The following GPD1L variants were observed in gnomAD, a reference collection of about 807,000 sequenced individuals.
The protein encoded by GPD1L is glycerol-3-phosphate dehydrogenase 1 like, also known as glycerol-3-phosphate dehydrogenase 1-like protein.
GPD1L carries 17 observed loss-of-function variants against 32.9 expected under a neutral mutation model. The ratio of observed to expected loss-of-function variants is 0.52; its 90% CI spans 0.35 to 0.78. The LOEUF (loss-of-function observed/expected upper bound fraction) is 0.78, where lower values mean the gene tolerates loss of function less well. GPD1L is among the 30% of genes least tolerant of loss of function. The pLI is 0.01. For missense variants in GPD1L, 361 were observed against 447.8 expected (o/e 0.81, Z 1.75); for synonymous variants, 187 against 165.9 (o/e 1.13, Z -0.98).
At chr3:32,150,473 C>T (rs956953184) in intron 5 of GPD1L, among the ~76,000 whole-genome samples, 5 of 149,150 alleles carry the variant, frequency 3.4e-5, no homozygotes, top group African/African-American at 7.4e-5. Context: ...TTTAAATAGT[C>T]TAGTGGTCTT....
chr3:32,108,203 C>G (rs187164952), intron 1 of GPD1L, among the ~76,000 whole-genome samples: 2 of 151,926 alleles, frequency 1.3e-5, no homozygotes, highest in Non-Finnish European at 2.9e-5. Context: ...CTGGGCAACA[C>G]GGCAAAACCC....
chr3:32,113,478 C>T (rs1271413662), intron 1 of GPD1L, among the ~76,000 whole-genome samples: 2 of 152,140 alleles, frequency 1.3e-5, no homozygotes, highest in African/African-American at 4.8e-5. Context: ...ACAGTAGTTT[C>T]TGGGATCCTC....
intron 5 of GPD1L, among the ~76,000 whole-genome samples, chr3:32,157,998 G>A (rs1701018379): frequency 6.6e-6 from 1 of 152,156 alleles, no homozygotes; most frequent in Non-Finnish European, 1.5e-5. Context: ...CACACATACA[G>A]GCCTCATGAC....
chr3:32,131,452 A>G (rs1700586804), intron 2 of GPD1L, among the ~76,000 whole-genome samples: 1 of 152,070 alleles, frequency 6.6e-6, no homozygotes, highest in African/African-American at 2.4e-5. Context: ...TCTACTTTCT[A>G]TCTCTATAGA....
chr3:32,166,025 G>C lies in GPD1L; in HGVS notation c.*115G>C, dbSNP rs982454285. ...TTGACTGTAATCTCATCACGGATAT[G>C]TATGAATTTTTACAGGTTCGTTTTT... is the stretch of plus-strand genomic sequence containing the variant. On this transcript the variant is annotated 3_prime_UTR_variant, in exon 8 of 8. Transcript: ENST00000282541. The C allele has an allele frequency of 6.9e-6, 5 of 729,070 alleles. No homozygotes were observed. In the Admixed American group the frequency reaches 7.9e-5, roughly 12 times the overall value. 45.2% of individuals were successfully genotyped at this position (729,070 alleles called of 1,614,324 possible).
At chr3:32,141,125 A>G (rs1700736343) in intron 4 of GPD1L, among the ~76,000 whole-genome samples, 1 of 152,210 alleles carries the variant, frequency 6.6e-6, no homozygotes. Context: ...CCTGCAAGCA[A>G]TATGAATCAT....
chr3:32,111,815 CT>C (rs113395943), intron 1 of GPD1L, among the ~76,000 whole-genome samples: 9,718 of 143,414 alleles, frequency 0.068, 290 homozygotes, highest in Middle Eastern at 0.11. Context: ...GTGACTCTGT[CT>C]TTTTTTTTTT....
At chr3:32,163,950 C>T (rs539341262) in intron 7 of GPD1L, among the ~76,000 whole-genome samples, 5 of 152,304 alleles carry the variant, frequency 3.3e-5, no homozygotes, top group Admixed American at 6.5e-5. Flanking sequence ...TTCCCTTGAA[C>T]CTCAAGATGG....
intron 5 of GPD1L, among the ~76,000 whole-genome samples, chr3:32,149,276 G>T (rs1348639935): frequency 6.6e-6 from 1 of 152,136 alleles, no homozygotes; most frequent in African/African-American, 2.4e-5. Context: ...GTTCAGGCTG[G>T]TCTTGAACTT....
At chr3:32,110,307 T>G (rs568004354) in intron 1 of GPD1L, among the ~76,000 whole-genome samples, 72 of 152,346 alleles carry the variant, frequency 4.7e-4, no homozygotes, top group African/African-American at 1.7e-3. Context: ...CCCCTGAGAA[T>G]GAGATTTTTT....
chr3:32,154,375 C>T (rs1040420398), intron 5 of GPD1L, among the ~76,000 whole-genome samples: 4 of 152,184 alleles, frequency 2.6e-5, no homozygotes, highest in African/African-American at 9.6e-5. Context: ...CTGAGTACAG[C>T]AACATAGAAA....
At chr3:32,157,931 T>G (rs1211889820) in intron 5 of GPD1L, among the ~76,000 whole-genome samples, 1 of 152,172 alleles carries the variant, frequency 6.6e-6, no homozygotes, top group Admixed American at 6.5e-5. Context: ...GAGTGAGTGC[T>G]CCATAAATAC....
chr3:32,106,677 G>T lies in GPD1L; in HGVS notation c.-35G>T. ...AGGCGGAGGTGGGCAGCCGGCCAGG[G>T]AAGCACGGTCCAGGCGGCTACATTC... On this transcript the variant is annotated 5_prime_UTR_variant, in exon 1 of 8. Coordinates refer to ENST00000282541, the MANE Select transcript of GPD1L (RefSeq NM_015141.4). The surrounding 1 kb of genome is among the most constrained non-coding windows in gnomAD (Gnocchi z 4.0). The T allele has an allele frequency of 6.6e-7, 1 of 1,513,774 alleles. No individual in the cohort carries two copies. Among genetic ancestry groups the T allele is most frequent in the South Asian group, 1.3e-5 (1 of 78,192 alleles). 93.8% of individuals were successfully genotyped at this position (1,513,774 alleles called of 1,614,324 possible).
rs1234855766 is a variant in GPD1L at position 32,121,551 on chromosome 3, ATATATATTTCTATG to A, written c.48-6511_48-6498del. ...TATATTTCTATGTATATATTTCTAT[ATATATATTTCTATG>A]TATATATTTCTATATATATATTTCT... On this transcript the variant is annotated intron_variant, in intron 1 of 7. Coordinates refer to ENST00000282541, the MANE Select transcript of GPD1L (RefSeq NM_015141.4). Among the ~76,000 whole-genome samples, 5 of 111,368 alleles carry A rather than the reference ATATATATTTCTATG, an allele frequency of 4.5e-5. 1 individual carries two copies. The highest frequency in any genetic ancestry group is 1.1e-4 in the African/African-American group (3 of 27,308). The allele number at this position is 111,368 out of a possible 152,430, so 73.1% of individuals were successfully genotyped here. A position where few individuals can be genotyped will look rare whatever the true frequency, so the allele number is the denominator to read the frequency against.
At chr3:32,131,935 A>C (rs577871917) in intron 2 of GPD1L, among the ~76,000 whole-genome samples, 10 of 152,320 alleles carry the variant, frequency 6.6e-5, no homozygotes, top group African/African-American at 1.9e-4. Context: ...CGAGTATCTC[A>C]TTCATGGTTT....
chr3:32,127,413 C>T (rs772191239), intron 1 of GPD1L, among the ~76,000 whole-genome samples: 2 of 152,218 alleles, frequency 1.3e-5, no homozygotes, highest in East Asian at 1.9e-4. Context: ...GCGGCAACCA[C>T]GTGCAGACCT....
At chr3:32,147,034 C>G (rs1461298206) in intron 5 of GPD1L, among the ~76,000 whole-genome samples, 3 of 152,200 alleles carry the variant, frequency 2.0e-5, no homozygotes, top group African/African-American at 7.2e-5. Flanking sequence ...GGGTTTCACC[C>G]AGGAGCAAAT....
chr3:32,117,629 A>G (rs753482989), intron 1 of GPD1L, among the ~76,000 whole-genome samples: 1 of 152,210 alleles, frequency 6.6e-6, no homozygotes, highest in Non-Finnish European at 1.5e-5. Context: ...TTTGCACTGC[A>G]TGGTTCTTTC....
intron 1 of GPD1L, among the ~76,000 whole-genome samples, chr3:32,114,543 G>A (rs901029313): frequency 3.9e-5 from 6 of 152,194 alleles, no homozygotes; most frequent in Non-Finnish European, 5.9e-5. Flanking sequence ...GTGATTAACT[G>A]TGATCTCTTC....
Sources: allele counts gnomAD v4.1 joint callset (sites outside exome capture counted in the v4.1 genomes callset), GRCh38; gene constraint gnomAD v4.1.1; non-coding constraint Gnocchi (gnomAD v3.1); transcripts MANE v1.5; gene names NCBI Gene and HGNC (gene_info 2026-07-23, HGNC 2026-07-21).